The following CAMK4 variants were observed in gnomAD, a reference collection of about 807,000 sequenced individuals.
CAMK4 encodes the protein calcium/calmodulin-dependent protein kinase type IV.
CAMK4 carries 22 observed loss-of-function variants against 44.9 expected under a neutral mutation model. The observed-to-expected ratio is 0.49, with a 90% CI of 0.35 to 0.70. The LOEUF is 0.70. Ranked by LOEUF, CAMK4 falls within the 30% of genes least tolerant of loss-of-function variation. The pLI is 0.01. For missense variants in CAMK4, 498 were observed against 586.8 expected (o/e 0.85, Z 1.56); for synonymous variants, 218 against 215.4 (o/e 1.01, Z -0.11).
intron 2 of CAMK4, among the ~76,000 whole-genome samples, chr5:111,344,999 C>T (rs960718010): frequency 2.6e-5 from 4 of 151,552 alleles, no homozygotes; most frequent in Non-Finnish European, 5.9e-5. Flanking sequence ...ATATGAAAAC[C>T]CAGTTGTAAA....
chr5:111,333,133 G>C (rs1749243814), intron 1 of CAMK4, among the ~76,000 whole-genome samples: 1 of 151,472 alleles, frequency 6.6e-6, no homozygotes, highest in African/African-American at 2.4e-5. Context: ...CATAATTGAA[G>C]GTATGGAGAT....
chr5:111,277,045 T>C (rs1326481371), intron 1 of CAMK4, among the ~76,000 whole-genome samples: 1 of 152,188 alleles, frequency 6.6e-6, no homozygotes, highest in Non-Finnish European at 1.5e-5. Flanking sequence ...TTGACTGAAT[T>C]TCCATTTCTC....
At chr5:111,411,615 T>C (rs189593450) in intron 5 of CAMK4, among the ~76,000 whole-genome samples, 6 of 152,328 alleles carry the variant, frequency 3.9e-5, no homozygotes, top group African/African-American at 1.4e-4. Flanking sequence ...AACTTCAGCA[T>C]AGAAACAAGA....
intron 7 of CAMK4, among the ~76,000 whole-genome samples, chr5:111,460,245 T>TTTTTC (rs1336790281): frequency 3.4e-5 from 5 of 147,554 alleles, no homozygotes; most frequent in Admixed American, 2.1e-4. Context: ...AAACATAATG[T>TTTTTC]TTTTCTTTTC....
intron 1 of CAMK4, among the ~76,000 whole-genome samples, chr5:111,296,642 C>T (rs1156792408): frequency 1.3e-5 from 2 of 152,032 alleles, no homozygotes; most frequent in Admixed American, 1.3e-4. Context: ...ACAAATAACC[C>T]GTGGCTTGAA....
intron 10 of CAMK4, 82 bp from the exon 11 acceptor site, chr5:111,483,944 C>T: frequency 9.1e-7 from 1 of 1,095,862 alleles, no homozygotes; most frequent in South Asian, 2.0e-5. Context: ...AAACGGAATC[C>T]CTAAAAGCAA....
At position 111,303,717 on chromosome 5, in the gene CAMK4, A is replaced by G. The variant is rs985597020; in HGVS notation, c.162-40307A>G. 8.1e-5 allele frequency among the ~76,000 whole-genome samples: 12 copies of G among 148,522 alleles called. 1 individual carries two copies. Among genetic ancestry groups the G allele is most frequent in the African/African-American group, 2.9e-4 (11 of 38,512 alleles). Reference sequence around the variant, plus strand: ...CTTCCCCAATCTAGCAAGGCAGGCCAACGTTCAGATTCAGGAAATACAGAG... The same window carrying G: ...CTTCCCCAATCTAGCAAGGCAGGCCGACGTTCAGATTCAGGAAATACAGAG... On this transcript the variant is annotated intron_variant, in intron 1 of 10. Coordinates refer to ENST00000282356, the MANE Select transcript of CAMK4 (RefSeq NM_001744.6).
chr5:111,374,293 A>T (rs1465469423), intron 2 of CAMK4, among the ~76,000 whole-genome samples: 1 of 152,154 alleles, frequency 6.6e-6, no homozygotes, highest in African/African-American at 2.4e-5. Flanking sequence ...TTTTGCTCTC[A>T]TAATTTCAGA....
chr5:111,440,642 A>G (rs865925391), intron 5 of CAMK4, among the ~76,000 whole-genome samples: 19 of 152,216 alleles, frequency 1.2e-4, no homozygotes, highest in African/African-American at 4.6e-4. Context: ...CAAAATTTCT[A>G]TTAAATTAGA....
At chr5:111,420,712 C>G (rs1752995201) in intron 5 of CAMK4, among the ~76,000 whole-genome samples, 1 of 152,150 alleles carries the variant, frequency 6.6e-6, no homozygotes, top group African/African-American at 2.4e-5. Flanking sequence ...ATGTTCCTTG[C>G]TGAGAAAAAG....
At chr5:111,291,511 C>A (rs879777562) in intron 1 of CAMK4, among the ~76,000 whole-genome samples, 1 of 152,008 alleles carries the variant, frequency 6.6e-6, no homozygotes, top group African/African-American at 2.4e-5. Flanking sequence ...TTTAATTAAT[C>A]TGTAGTTTTA....
chr5:111,417,227 A>ATT (rs70973606), intron 5 of CAMK4, among the ~76,000 whole-genome samples: 39,892 of 143,606 alleles, frequency 0.28, 5,797 homozygotes, highest in Non-Finnish European at 0.32. Flanking sequence ...CACCCAGCTA[A>ATT]TTTTTTTTTT....
At chr5:111,410,818 A>G (rs1752606786) in intron 5 of CAMK4, among the ~76,000 whole-genome samples, 1 of 152,184 alleles carries the variant, frequency 6.6e-6, no homozygotes, top group Non-Finnish European at 1.5e-5. Flanking sequence ...CTTCAAGGCA[A>G]TGCTATAATA....
chr5:111,364,362 T>C (rs747271840), intron 2 of CAMK4, among the ~76,000 whole-genome samples: 1 of 152,146 alleles, frequency 6.6e-6, no homozygotes, highest in Non-Finnish European at 1.5e-5. Context: ...CCAACCTCTT[T>C]CTGTTGAGAG....
At chr5:111,344,360 A>G (rs561756220) in intron 2 of CAMK4, among the ~76,000 whole-genome samples, 1 of 151,686 alleles carries the variant, frequency 6.6e-6, no homozygotes, top group African/African-American at 2.4e-5. Context: ...TGGCAGGTAG[A>G]CCTTATTTTG....
chr5:111,246,619 A>G (rs1453525218), intron 1 of CAMK4, among the ~76,000 whole-genome samples: 3 of 152,110 alleles, frequency 2.0e-5, no homozygotes, highest in Non-Finnish European at 2.9e-5. Flanking sequence ...AAGTCCTCCT[A>G]CTGGCAGCCA....
chr5:111,428,581 C>T (rs140711947), intron 5 of CAMK4, among the ~76,000 whole-genome samples: 1 of 152,094 alleles, frequency 6.6e-6, no homozygotes. Context: ...CAGAAAAATG[C>T]AATTGGCATG....
intron 5 of CAMK4, among the ~76,000 whole-genome samples, chr5:111,402,773 CT>C (rs1324216851): frequency 6.6e-5 from 10 of 152,296 alleles, no homozygotes; most frequent in African/African-American, 2.4e-4. Context: ...GCCATTTCTC[CT>C]TTTCACTGGC....
chr5:111,427,225 A>G (rs1478165170), intron 5 of CAMK4, among the ~76,000 whole-genome samples: 2 of 152,144 alleles, frequency 1.3e-5, no homozygotes, highest in African/African-American at 4.8e-5. Flanking sequence ...GCTCCCAGAC[A>G]ACATTTCTAA....
Sources: gnomAD v4.1 joint callset for allele counts (sites outside exome capture counted in the v4.1 genomes callset) on GRCh38, gnomAD v4.1.1 for gene constraint, MANE v1.5 for transcripts, NCBI Gene and HGNC (gene_info 2026-07-23, HGNC 2026-07-21) for gene names.